The following NTAQ1 variants were observed in gnomAD, a reference collection of about 807,000 sequenced individuals.
The protein encoded by NTAQ1 is protein N-terminal glutamine amidohydrolase.
NTAQ1 carries 21 observed loss-of-function variants against 28.2 expected under a neutral mutation model. That is an observed-to-expected ratio of 0.74 (90% confidence interval 0.53 to 1.07). NTAQ1 has a LOEUF of 1.07. NTAQ1 is among the 50% of genes least tolerant of loss of function. The probability of loss-of-function intolerance (pLI) is 0.00; values close to 1 mark genes in which losing one functional copy is unlikely to be tolerated. For synonymous variants in NTAQ1, 105 were observed against 90.0 expected (o/e 1.17, Z -0.94); for missense variants, 264 against 256.6 (o/e 1.03, Z -0.20).
At chr8:123,448,834 T>G (rs3824253), downstream of NTAQ1, among the ~76,000 whole-genome samples, 55,078 of 152,006 alleles carry the variant, frequency 0.36, 10,087 homozygotes, top group East Asian at 0.56. Flanking sequence ...GTTCAGACGT[T>G]TATAGGCTTG....
chr8:123,459,109 G>A (rs1815742215), intron 6 of NTAQ1, among the ~76,000 whole-genome samples: 1 of 151,986 alleles, frequency 6.6e-6, no homozygotes, highest in Non-Finnish European at 1.5e-5. Flanking sequence ...AAATTAGCCA[G>A]ATGTGGTGGT....
At chr8:123,463,779 C>G (rs1296843189) in intron 6 of NTAQ1, among the ~76,000 whole-genome samples, 1 of 152,076 alleles carries the variant, frequency 6.6e-6, no homozygotes, top group African/African-American at 2.4e-5. Context: ...TGATGCAATC[C>G]CTACTCAGCC....
chr8:123,431,410 G>A (rs781049126), intron 3 of NTAQ1, among the ~76,000 whole-genome samples: 38 of 151,852 alleles, frequency 2.5e-4, no homozygotes, highest in Non-Finnish European at 4.0e-4. Flanking sequence ...AAATGACACT[G>A]ATGAATTGGA....
chr8:123,426,237 G>C (rs1164137559), intron 1 of NTAQ1, among the ~76,000 whole-genome samples: 1 of 152,198 alleles, frequency 6.6e-6, no homozygotes, highest in Non-Finnish European at 1.5e-5. Context: ...GTACTACTGG[G>C]CATCACTTTA....
chr8:123,459,159 C>G (rs1156658231), intron 6 of NTAQ1, among the ~76,000 whole-genome samples: 1 of 151,232 alleles, frequency 6.6e-6, no homozygotes, highest in African/African-American at 2.4e-5. Context: ...GTGGGAGGAT[C>G]TGTTTGAGCC....
At chr8:123,443,133 C>T (rs1586956338), downstream of NTAQ1, among the ~76,000 whole-genome samples, 2 of 152,126 alleles carry the variant, frequency 1.3e-5, no homozygotes, top group South Asian at 4.2e-4. Flanking sequence ...GATTCTCATG[C>T]CTCAGCCTCC....
chr8:123,450,222 G>T (rs961372232), downstream of NTAQ1, among the ~76,000 whole-genome samples: 1 of 151,436 alleles, frequency 6.6e-6, no homozygotes, highest in African/African-American at 2.4e-5. Context: ...AAAGGAGAAA[G>T]TGGTATTAGA....
At chr8:123,448,088 C>T (rs1815355470) in exon 7 of NTAQ1, 1 of 152,216 alleles carries the variant, frequency 6.6e-6, no homozygotes, top group African/African-American at 2.4e-5. Context: ...AGCTACTTAT[C>T]AAAGGCAGAA....
intron 6 of NTAQ1, among the ~76,000 whole-genome samples, chr8:123,458,420 G>C (rs961694611): frequency 1.1e-4 from 17 of 152,054 alleles, no homozygotes; most frequent in African/African-American, 4.1e-4. Flanking sequence ...GAGTGAAAGT[G>C]AGACCTTGAA....
intron 1 of NTAQ1, among the ~76,000 whole-genome samples, chr8:123,423,297 TTTG>T (rs1351754457): frequency 4.7e-5 from 2 of 42,274 alleles, no homozygotes; most frequent in Non-Finnish European, 1.1e-4. Context: ...CTTCTCTTCT[TTTG>T]TTTTCTCTTC....
At chr8:123,441,067 G>A (rs73325755) in intron 5 of NTAQ1, among the ~76,000 whole-genome samples, 53 of 152,210 alleles carry the variant, frequency 3.5e-4, no homozygotes, top group African/African-American at 1.3e-3. Flanking sequence ...GATCTTTGGA[G>A]CTCTGACTCT....
chr8:123,425,999 G>C (rs1814029884), intron 1 of NTAQ1, among the ~76,000 whole-genome samples: 1 of 152,188 alleles, frequency 6.6e-6, no homozygotes, highest in South Asian at 2.1e-4. Flanking sequence ...ACTCCAGCCT[G>C]GGTGACAGAG....
chr8:123,429,720 A>G (rs1403951882), intron 2 of NTAQ1, among the ~76,000 whole-genome samples: 1 of 152,084 alleles, frequency 6.6e-6, no homozygotes, highest in Non-Finnish European at 1.5e-5. Context: ...TCAAAAAATA[A>G]AAATAAAAAA....
chr8:123,465,574 C>CTTTTTTTTTTTTT (rs71310691), intron 6 of NTAQ1, among the ~76,000 whole-genome samples: 1 of 78,560 alleles, frequency 1.3e-5, no homozygotes, highest in African/African-American at 5.0e-5. Flanking sequence ...AGCATAACAT[C>CTTTTTTTTTTTTT]TTTTTTTTTT....
downstream of NTAQ1, among the ~76,000 whole-genome samples, chr8:123,449,135 T>G (rs1381475260): frequency 6.6e-6 from 1 of 152,188 alleles, no homozygotes; most frequent in African/African-American, 2.4e-5. Flanking sequence ...AGGTAGCTGC[T>G]GATTTTCCGT....
intron 6 of NTAQ1, among the ~76,000 whole-genome samples, chr8:123,460,467 G>T (rs1303628965): frequency 6.6e-6 from 1 of 152,162 alleles, no homozygotes; most frequent in Non-Finnish European, 1.5e-5. Context: ...TGAGGGCATT[G>T]CTTCTTGTGC....
In NTAQ1 at chr8:123,429,997, A is replaced by T. The variant is rs1050163033; in HGVS notation, c.198A>T (p.Lys66Asn). Residue 66 changes from lysine to asparagine, a missense_variant, in exon 3 of 6, where the codon AAA (lysine) becomes AAT (asparagine). By Grantham distance (94) the Lys-to-Asn change is moderately conservative (BLOSUM62 0). Coordinates refer to ENST00000287387, the MANE Select transcript of NTAQ1 (RefSeq NM_018024.3). ...SNERKMIPIW[K>N]QQARPGDGPV... ...GTATTTTGTAGATACCTATCTGGAA[A>T]CAACAGGCGAGACCTGGAGATGGAC... 1 of 1,612,920 alleles carries T rather than the reference A, an allele frequency of 6.2e-7. No individual in the cohort carries two copies.
Position 123,438,224 on chromosome 8 carries a change from G to A in NTAQ1, c.508+890G>A, listed in dbSNP as rs1229201730. ...TGTTTGGCATTCATATGAGTTTGAA[G>A]TATTATTTACGTTTGTAAGTAATTC... is the stretch of plus-strand genomic sequence containing the variant. On this transcript the variant is annotated intron_variant, in intron 5 of 5. Coordinates refer to ENST00000287387, the MANE Select transcript of NTAQ1 (RefSeq NM_018024.3). 5.7e-6 allele frequency: 4 copies of A among 700,878 alleles called. No homozygotes were observed. The East Asian group carries it at 1.1e-4, about 19-fold the overall frequency. The allele number at this position is 700,878 out of a possible 1,614,324, so 43.4% of individuals were successfully genotyped here.
intron 6 of NTAQ1, among the ~76,000 whole-genome samples, chr8:123,461,728 C>T (rs563382475): frequency 1.3e-5 from 2 of 151,906 alleles, no homozygotes; most frequent in Admixed American, 6.6e-5. Context: ...TGTCTTTCAG[C>T]GAGTAGATGC....
Sources: gnomAD v4.1 joint callset for allele counts (sites outside exome capture counted in the v4.1 genomes callset) on GRCh38, gnomAD v4.1.1 for gene constraint, MANE v1.5 for transcripts, NCBI Gene and HGNC (gene_info 2026-07-23, HGNC 2026-07-21) for gene names.